The following GLI2 variants were observed in gnomAD, a reference collection of about 807,000 sequenced individuals.
GLI2 encodes GLI family zinc finger 2, also known as transcription activator GLI2.
In GLI2, 22 loss-of-function variants were observed where a neutral mutation model predicts 78.9. That is an observed-to-expected ratio of 0.28 (90% CI 0.20 to 0.40). The LOEUF is 0.40. Ranked by LOEUF, GLI2 falls within the 10% of genes least tolerant of loss-of-function variation. The pLI is 1.00. For missense variants in GLI2, 2,097 were observed against 2,213.2 expected (o/e 0.95, Z 1.05); for synonymous variants, 974 against 963.7 (o/e 1.01, Z -0.20).
intron 2 of GLI2, among the ~76,000 whole-genome samples, chr2:120,848,043 T>C (rs373681823): frequency 1.3e-5 from 2 of 152,146 alleles, no homozygotes; most frequent in East Asian, 3.9e-4. Context: ...GGTGGCGGCC[T>C]CCCTCAGAAG....
At chr2:120,942,046 G>A (rs563973983) in intron 3 of GLI2, among the ~76,000 whole-genome samples, 1 of 152,236 alleles carries the variant, frequency 6.6e-6, no homozygotes, top group Non-Finnish European at 1.5e-5. Flanking sequence ...TGGTTATTCC[G>A]AGCAATAAAT....
intron 2 of GLI2, among the ~76,000 whole-genome samples, chr2:120,879,713 A>G (rs1677019139): frequency 6.6e-6 from 1 of 152,224 alleles, no homozygotes; most frequent in African/African-American, 2.4e-5. Flanking sequence ...GTCACCCTGC[A>G]GTAACCCATA....
At chr2:120,914,726 C>T (rs1314116749) in intron 2 of GLI2, among the ~76,000 whole-genome samples, 3 of 152,208 alleles carry the variant, frequency 2.0e-5, no homozygotes, top group South Asian at 2.1e-4. Flanking sequence ...CGGCACCCTT[C>T]GGGGCCCTAC....
At chr2:120,905,984 C>T (rs1418536415) in intron 2 of GLI2, among the ~76,000 whole-genome samples, 2 of 152,182 alleles carry the variant, frequency 1.3e-5, no homozygotes, top group Admixed American at 6.5e-5. Context: ...ACCCTTCGCC[C>T]AGATGGGGCT....
chr2:120,813,254 A>G (rs1442425851), intron 2 of GLI2, among the ~76,000 whole-genome samples: 6 of 152,180 alleles, frequency 3.9e-5, no homozygotes, highest in Non-Finnish European at 1.5e-5. Flanking sequence ...ACCAGAGAAA[A>G]TGTTTCCCTG....
At chr2:120,910,333 T>C (rs2104810626) in intron 2 of GLI2, among the ~76,000 whole-genome samples, 1 of 152,286 alleles carries the variant, frequency 6.6e-6, no homozygotes, top group East Asian at 1.9e-4. Context: ...TGCATTTTAA[T>C]TTATGCAAAT....
At chr2:120,926,177 G>C (rs1679664745) in intron 2 of GLI2, among the ~76,000 whole-genome samples, 1 of 145,068 alleles carries the variant, frequency 6.9e-6, no homozygotes, top group Non-Finnish European at 1.5e-5. Flanking sequence ...TATTGTACCA[G>C]AATCTGTTTG....
At chr2:120,790,008 C>G (rs553674339) in intron 1 of GLI2, among the ~76,000 whole-genome samples, 11 of 152,316 alleles carry the variant, frequency 7.2e-5, no homozygotes, top group African/African-American at 2.6e-4. Context: ...TCATGGGGCT[C>G]CCGGTGCAGC....
chr2:120,755,499 A>C (rs547330771), intron 1 of GLI2, among the ~76,000 whole-genome samples: 5 of 151,854 alleles, frequency 3.3e-5, no homozygotes, highest in African/African-American at 1.2e-4. Context: ...TATATTTTGG[A>C]TAGAAGTCTT....
intron 2 of GLI2, among the ~76,000 whole-genome samples, chr2:120,855,120 A>G (rs1404748321): frequency 6.6e-6 from 1 of 152,258 alleles, no homozygotes; most frequent in Non-Finnish European, 1.5e-5. Flanking sequence ...GCAGAGGAAA[A>G]CAGAACCCAC....
chr2:120,948,001 T>C lies in GLI2; in HGVS notation c.255-3242T>C, dbSNP rs181858708. Reference sequence around the variant, plus strand: ...TGTCTCTCCACTGCCCCTGATAGAATCTGTTCTGGGGTAGGATAGTGGCAT... The same window carrying C: ...TGTCTCTCCACTGCCCCTGATAGAACCTGTTCTGGGGTAGGATAGTGGCAT... On this transcript the variant is annotated intron_variant, in intron 3 of 13. Transcript: ENST00000361492. Among the ~76,000 whole-genome samples, 510 of 152,274 alleles carry C rather than the reference T, an allele frequency of 3.3e-3. 2 individuals carry two copies. Among genetic ancestry groups the C allele is most frequent in the African/African-American group, 0.011 (457 of 41,570 alleles).
intron 2 of GLI2, among the ~76,000 whole-genome samples, chr2:120,852,013 C>T (rs756950521): frequency 6.6e-5 from 10 of 152,198 alleles, no homozygotes; most frequent in East Asian, 1.9e-4. Flanking sequence ...TGGAGAAATA[C>T]ACCAGTCAAT....
intron 2 of GLI2, among the ~76,000 whole-genome samples, chr2:120,821,561 T>TG (rs1210946031): frequency 2.8e-4 from 42 of 152,228 alleles, no homozygotes; most frequent in African/African-American, 9.6e-4. Flanking sequence ...AGAGAGAGCC[T>TG]GGTGGGCCCT....
At chr2:120,751,319 T>C (rs1022309008) in intron 1 of GLI2, among the ~76,000 whole-genome samples, 1 of 152,204 alleles carries the variant, frequency 6.6e-6, no homozygotes, top group African/African-American at 2.4e-5. Flanking sequence ...TTCCTGTGAA[T>C]ATTTATCCTT....
At chr2:120,786,098 G>A (rs770977935) in intron 1 of GLI2, among the ~76,000 whole-genome samples, 72 of 152,312 alleles carry the variant, frequency 4.7e-4, no homozygotes, top group Admixed American at 1.1e-3. Context: ...CCCAGGATCC[G>A]TAAGAGGACA....
rs958455863 is a variant in GLI2 at position 120,984,801 on chromosome 2, C to T, written c.1905+58C>T. The T allele has an allele frequency of 1.9e-6, 3 of 1,567,658 alleles. No homozygotes were observed. The African/African-American group carries it at 4.0e-5, about 21-fold the overall frequency. ...GCGACTCCATAGCCGTGCCCAGGGC[C>T]ACCCCTTGCCACGGTTGCGGGCTCT... On this transcript the variant is annotated intron_variant, in intron 12 of 13. Coordinates refer to ENST00000361492, the MANE Select transcript of GLI2 (RefSeq NM_001374353.1).
chr2:120,984,795 C>A (rs1553477662), intron 12 of GLI2, 52 bp downstream of exon 12: 1 of 1,588,358 alleles, frequency 6.3e-7, no homozygotes, highest in Non-Finnish European at 8.6e-7. Context: ...TAGCCGTGCC[C>A]AGGGCCACCC....
chr2:120,921,346 G>A (rs1479672774), intron 2 of GLI2, among the ~76,000 whole-genome samples: 1 of 152,070 alleles, frequency 6.6e-6, no homozygotes, highest in Non-Finnish European at 1.5e-5. Context: ...TGTCAAGTGG[G>A]TTAGAAGGGC....
At chr2:120,923,226 A>C (rs563687465) in intron 2 of GLI2, among the ~76,000 whole-genome samples, 1 of 132,328 alleles carries the variant, frequency 7.6e-6, no homozygotes, top group African/African-American at 2.8e-5. Context: ...ACGTACACAT[A>C]TACACAGCAA....
Sources: gnomAD v4.1 joint callset for allele counts (sites outside exome capture counted in the v4.1 genomes callset) on GRCh38, gnomAD v4.1.1 for gene constraint, MANE v1.5 for transcripts, NCBI Gene and HGNC (gene_info 2026-07-23, HGNC 2026-07-21) for gene names.